The following MEGF6 variants were observed in gnomAD, a reference collection of about 807,000 sequenced individuals.
MEGF6 encodes the protein multiple epidermal growth factor-like domains protein 6.
A neutral mutation model predicts 207.1 loss-of-function variants in MEGF6; 184 were observed. That is an observed-to-expected ratio of 0.89 (90% CI 0.79 to 1.00). The LOEUF is 1.00. Among genes scored for constraint, MEGF6 ranks in the 50% least tolerant of loss-of-function variants. The pLI, the probability that MEGF6 is intolerant of heterozygous loss-of-function variation, is 0.00. For synonymous variants in MEGF6, 1,038 were observed against 910.0 expected (o/e 1.14, Z -2.53); for missense variants, 2,282 against 2,202.9 (o/e 1.04, Z -0.72).
At chr1:3,538,765 T>A (rs116325844) in intron 4 of MEGF6, among the ~76,000 whole-genome samples, 8 of 150,286 alleles carry the variant, frequency 5.3e-5, no homozygotes, top group African/African-American at 2.0e-4. Context: ...CTGTGGGTTC[T>A]CTGTTACCAG....
chr1:3,601,364 G>A (rs539979142), intron 2 of MEGF6, among the ~76,000 whole-genome samples: 48 of 152,372 alleles, frequency 3.2e-4, no homozygotes, highest in South Asian at 1.2e-3. Context: ...GGGCAGGCCC[G>A]CATCCACGCA....
chr1:3,530,947 G>T (rs889802952), intron 4 of MEGF6: 2 of 1,228,404 alleles, frequency 1.6e-6, no homozygotes, highest in Non-Finnish European at 2.1e-6. Context: ...CGCCTGCCGG[G>T]CACTGCCCCG....
At chr1:3,561,547 A>G (rs900566871) in intron 4 of MEGF6, among the ~76,000 whole-genome samples, 1 of 152,120 alleles carries the variant, frequency 6.6e-6, no homozygotes, top group Non-Finnish European at 1.5e-5. Flanking sequence ...GTCGGGGACC[A>G]TGCACCCCGC....
At chr1:3,609,863 G>A (rs944247564) in intron 1 of MEGF6, among the ~76,000 whole-genome samples, 6 of 152,198 alleles carry the variant, frequency 3.9e-5, no homozygotes, top group Non-Finnish European at 7.3e-5. Flanking sequence ...GCAAGAGCAG[G>A]GACATCCGAG....
chr1:3,509,955 C>T lies in MEGF6; in HGVS notation c.1272G>A (p.Glu424=). The T allele has an allele frequency of 1.9e-6, 3 of 1,582,070 alleles. No homozygotes were observed. The highest frequency in any genetic ancestry group is 2.6e-6 in the Non-Finnish European group (3 of 1,168,880). ...DECASSRGGC[E]HHCTNLAGSF... ...AGCCGGCCAGGTTGGTGCAGTGGTG[C>T]TCGCAGCCGCCACGGCTGGAGGCGC... Residue 424 remains glutamate (E), a synonymous_variant, in exon 11 of 37, where the codon GAG becomes GAA. Transcript: ENST00000356575.
intron 2 of MEGF6, among the ~76,000 whole-genome samples, chr1:3,595,974 C>T (rs1014014680): frequency 8.5e-5 from 13 of 152,224 alleles, no homozygotes; most frequent in African/African-American, 2.2e-4. Context: ...GTGAAGCAGA[C>T]GGCCCCAGTA....
upstream of MEGF6, among the ~76,000 whole-genome samples, chr1:3,612,421 T>G (rs369626658): frequency 6.6e-6 from 1 of 152,198 alleles, no homozygotes. Context: ...GGTTTGAAAT[T>G]GACTCCAGGG....
chr1:3,611,052 G>T, intron 1 of MEGF6, 86 bp downstream of exon 1: 1 of 1,357,852 alleles, frequency 7.4e-7, no homozygotes, highest in Non-Finnish European at 9.5e-7. Context: ...CAGGGACAAA[G>T]CCTCGGAGCT....
intron 4 of MEGF6, among the ~76,000 whole-genome samples, chr1:3,577,015 GCCCTGCACACTCCAC>G (rs377002743): frequency 7.0e-4 from 104 of 148,594 alleles, no homozygotes; most frequent in African/African-American, 2.5e-3. Flanking sequence ...TGCACACCTG[GCCCTGCACACTCCAC>G]CCCTGCACAC....
intron 1 of MEGF6, 27 bp from the exon 2 acceptor site, chr1:3,602,627 G>C (rs754794744): frequency 1.3e-6 from 2 of 1,582,104 alleles, no homozygotes; most frequent in South Asian, 1.1e-5. Flanking sequence ...GAGAGTCAGC[G>C]CCTCGGCCAC....
intron 9 of MEGF6, 62 bp from the exon 10 acceptor site, chr1:3,510,964 C>G (rs1341696381): frequency 1.4e-5 from 20 of 1,382,208 alleles, no homozygotes; most frequent in Non-Finnish European, 1.9e-5. Flanking sequence ...ACGCCCCCAC[C>G]CACACACAAC....
chr1:3,494,315 G>A (rs1640505938), intron 32 of MEGF6, 56 bp downstream of exon 32: 2 of 1,512,156 alleles, frequency 1.3e-6, no homozygotes, highest in Non-Finnish European at 1.8e-6. Flanking sequence ...CCACACGGGA[G>A]GAGTGGACAG....
intron 4 of MEGF6, among the ~76,000 whole-genome samples, chr1:3,567,365 C>A (rs1009507079): frequency 3.3e-5 from 5 of 152,372 alleles, no homozygotes; most frequent in East Asian, 3.9e-4. Context: ...GGGATCCTCC[C>A]CTCCCTACAA....
At chr1:3,595,527 T>C (rs1244393935) in intron 2 of MEGF6, 80 bp from the exon 3 acceptor site, 2 of 1,238,236 alleles carry the variant, frequency 1.6e-6, no homozygotes, top group Admixed American at 1.8e-5. Context: ...CTGGGGAGAC[T>C]GACTCTGCGT....
intron 3 of MEGF6, among the ~76,000 whole-genome samples, chr1:3,581,027 G>A (rs992855367): frequency 5.9e-5 from 9 of 152,128 alleles, no homozygotes; most frequent in African/African-American, 9.7e-5. Context: ...TCAGGCACTC[G>A]TCGTCTAAGC....
At chr1:3,621,122 A>G in the MEGF6 span, among the ~76,000 whole-genome samples, 834 of 152,370 alleles carry the variant, frequency 5.5e-3, 5 homozygotes, top group African/African-American at 0.019. Flanking sequence ...ACAGGCCTCC[A>G]GATAACTGTG....
chr1:3,513,078 C>G (rs980654976), intron 7 of MEGF6, among the ~76,000 whole-genome samples: 1 of 152,242 alleles, frequency 6.6e-6, no homozygotes, highest in African/African-American at 2.4e-5. Context: ...TGACTCTAAG[C>G]AAGCACATTC....
rs1640823208 is a variant in MEGF6 at position 3,500,730 on chromosome 1, G to A, written c.2610C>T (p.Ser870=). The A allele has an allele frequency of 1.2e-6, 2 of 1,600,104 alleles. No individual in the cohort carries two copies. Among genetic ancestry groups the A allele is most frequent in the Non-Finnish European group, 1.7e-6 (2 of 1,173,972 alleles). Residue 870 remains serine, a synonymous_variant, in exon 21 of 37, where the codon AGC becomes AGT. Coordinates refer to ENST00000356575, the MANE Select transcript of MEGF6 (RefSeq NM_001409.4). ...GGCCAGCGCTGCAGTTGCAGGGGTGGCTGCAGTCAGGTCCCCAGTGCCCAG... is the reference window on the plus strand; with the variant it reads ...GGCCAGCGCTGCAGTTGCAGGGGTGACTGCAGTCAGGTCCCCAGTGCCCAG... The part of the protein sequence containing the change: ...CDTGHWGPDC[S]HPCNCSAGHG...
intron 23 of MEGF6, among the ~76,000 whole-genome samples, 156 bp from the exon 24 acceptor site, chr1:3,499,422 G>A (rs1300693229): frequency 1.3e-5 from 2 of 152,178 alleles, no homozygotes; most frequent in Admixed American, 6.5e-5. Context: ...CAGCAGAGTG[G>A]CCACAAAAAA....
Sources: allele counts gnomAD v4.1 joint callset (sites outside exome capture counted in the v4.1 genomes callset), GRCh38; gene constraint gnomAD v4.1.1; transcripts MANE v1.5; gene names NCBI Gene and HGNC (gene_info 2026-07-23, HGNC 2026-07-21).